The following HECTD4 variants were observed in gnomAD, a reference collection of about 807,000 sequenced individuals.
HECTD4 encodes probable E3 ubiquitin-protein ligase HECTD4.
HECTD4 carries 114 observed loss-of-function variants against 471.5 expected under a neutral mutation model. The ratio of observed to expected loss-of-function variants is 0.24; its 90% CI spans 0.21 to 0.28. HECTD4 has a LOEUF of 0.28. HECTD4 is among the 10% of genes least tolerant of loss of function. The pLI is 1.00. For synonymous variants in HECTD4, 2,012 were observed against 2,256.0 expected, an observed-to-expected ratio of 0.89 and a Z score of 3.07; for missense variants, 3,866 against 5,651.5, an observed-to-expected ratio of 0.68 and a Z score of 10.13.
At position 112,163,454 on chromosome 12, in the gene HECTD4, C is replaced by A; in HGVS notation, c.12897+88G>T. Reference sequence around the variant, plus strand: ...AGGACAGAGCTGAGACAGGCCACTGCCGATGCCTGCTGCTGGAGTTGAGGG... The same window carrying A: ...AGGACAGAGCTGAGACAGGCCACTGACGATGCCTGCTGCTGGAGTTGAGGG... On this transcript the variant is annotated intron_variant, in intron 74 of 75. Transcript: ENST00000682272. The surrounding 1 kb of genome is among the most constrained non-coding windows in gnomAD (Gnocchi z 8.2). 2 of 1,217,314 alleles carry A rather than the reference C, an allele frequency of 1.6e-6. No homozygotes were observed. Among genetic ancestry groups the A allele is most frequent in the Non-Finnish European group, 2.3e-6 (2 of 888,096 alleles). 75.4% of individuals were successfully genotyped at this position (1,217,314 alleles called of 1,614,324 possible). A position where few individuals can be genotyped will look rare whatever the true frequency, so the allele number is the denominator to read the frequency against.
rs190365982 is a variant in HECTD4, at chr12:112,193,309, A to C, written c.8956-118T>G. 1,766 of 1,382,516 alleles carry C rather than the reference A, an allele frequency of 1.3e-3. 5 individuals carry two copies. Among genetic ancestry groups the C allele is most frequent in the Non-Finnish European group, 1.4e-3 (1,370 of 1,007,252 alleles). The allele number at this position is 1,382,516 out of a possible 1,614,324, so 85.6% of individuals were successfully genotyped here. A position where few individuals can be genotyped will look rare whatever the true frequency, so the allele number is the denominator to read the frequency against. On this transcript the variant is annotated intron_variant, in intron 57 of 75. Coordinates refer to ENST00000682272, the MANE Select transcript of HECTD4 (RefSeq NM_001388303.1). The surrounding 1 kb of genome is among the most constrained non-coding windows in gnomAD (Gnocchi z 5.2). ...ACGACTAAATAGCCCTCTGGAAGGAAGCAAGCTACAGATGAGATAAAGCAG... is the reference window on the plus strand; with the variant it reads ...ACGACTAAATAGCCCTCTGGAAGGACGCAAGCTACAGATGAGATAAAGCAG...
intron 38 of HECTD4, 55 bp downstream of exon 38, chr12:112,232,949 G>A: frequency 7.1e-7 from 1 of 1,406,668 alleles, no homozygotes; most frequent in Non-Finnish European, 9.8e-7. Context: ...AAAATCTAAA[G>A]CATGACAAAT....
At chr12:112,202,869 T>C (rs977500017) in intron 54 of HECTD4, 1 of 152,188 alleles carries the variant, frequency 6.6e-6, no homozygotes, top group African/African-American at 2.4e-5. Context: ...ACTGATCCAG[T>C]TTAATACACT....
intron 1 of HECTD4, among the ~76,000 whole-genome samples, chr12:112,351,643 T>C (rs1297906787): frequency 2.0e-5 from 3 of 152,266 alleles, no homozygotes; most frequent in Middle Eastern, 3.4e-3. Context: ...GGGGTAAAAG[T>C]GAAAGGTGTT....
At chr12:112,216,954 A>C (rs1457982332) in intron 46 of HECTD4, 33 bp from the exon 47 acceptor site, 2 of 1,608,220 alleles carry the variant, frequency 1.2e-6, no homozygotes, top group African/African-American at 2.7e-5. Flanking sequence ...CAGCAATCAG[A>C]GGGCTAATCC....
chr12:112,239,364 A>G lies in HECTD4; in HGVS notation c.5106-128T>C. On this transcript the variant is annotated intron_variant, in intron 33 of 75. Transcript: ENST00000682272. This position sits in a 1 kb window ranked among gnomAD's most constrained non-coding sequence, Gnocchi z 4.9. ...TTTCCCTACAACTTAGGATACTGCC[A>G]TGTGCAATCAAACACAAAATGATTT... is the stretch of plus-strand genomic sequence containing the variant. The G allele has an allele frequency of 1.5e-6, 1 of 660,408 alleles. No homozygotes were observed. 40.9% of individuals were successfully genotyped at this position (660,408 alleles called of 1,614,324 possible).
At chr12:112,217,336 T>TACAC (rs71956504) in intron 45 of HECTD4, 141 bp from the exon 46 acceptor site, 21 of 409,676 alleles carry the variant, frequency 5.1e-5, no homozygotes, top group South Asian at 3.4e-4. Flanking sequence ...CACACACACA[T>TACAC]ACACACACAC....
intron 1 of HECTD4, among the ~76,000 whole-genome samples, chr12:112,380,105 A>G: frequency 6.6e-6 from 1 of 152,208 alleles, no homozygotes; most frequent in East Asian, 1.9e-4. Context: ...TAAATGACAT[A>G]TATGTATAAA....
chr12:112,305,577 T>A (rs2035255554), intron 7 of HECTD4, among the ~76,000 whole-genome samples: 1 of 152,172 alleles, frequency 6.6e-6, no homozygotes, highest in Non-Finnish European at 1.5e-5. Context: ...GGAGCCTGAA[T>A]ACACATCACA....
intron 1 of HECTD4, among the ~76,000 whole-genome samples, chr12:112,329,879 G>GGTA (rs1419780942): frequency 6.6e-6 from 1 of 152,188 alleles, no homozygotes; most frequent in African/African-American, 2.4e-5. Context: ...AGGCCTAAGA[G>GGTA]GTAGGATCGA....
rs1417206856 is a variant in HECTD4, at chr12:112,162,572, G to A, written c.13121-49C>T. On this transcript the variant is annotated intron_variant, in intron 75 of 75. Transcript: ENST00000682272. This position sits in a 1 kb window ranked among gnomAD's most constrained non-coding sequence, Gnocchi z 5.2. ...AGAGGGTTGGGCCCACATCTGTGAGGCTCCCAGGGAAGCTGGGCTGGCCTC... is the reference window on the plus strand; with the variant it reads ...AGAGGGTTGGGCCCACATCTGTGAGACTCCCAGGGAAGCTGGGCTGGCCTC... 1 of 1,611,402 alleles carries A rather than the reference G, an allele frequency of 6.2e-7. No individual in the cohort carries two copies. Among genetic ancestry groups the A allele is most frequent in the Admixed American group, 1.7e-5 (1 of 59,870 alleles).
intron 1 of HECTD4, among the ~76,000 whole-genome samples, chr12:112,349,388 C>CAAAAA (rs60480485): frequency 5.3e-4 from 29 of 54,508 alleles, no homozygotes; most frequent in East Asian, 1.6e-3. Context: ...ACTCTTGCTC[C>CAAAAA]AAAAAAAAAA....
At chr12:112,216,719 C>A in intron 47 of HECTD4, 54 bp downstream of exon 47, 1 of 1,592,248 alleles carries the variant, frequency 6.3e-7, no homozygotes, top group South Asian at 1.1e-5. Context: ...CACCTATACA[C>A]ACCTTGTGGG....
At chr12:112,293,403 G>A (rs2034939292) in intron 7 of HECTD4, among the ~76,000 whole-genome samples, 1 of 151,374 alleles carries the variant, frequency 6.6e-6, no homozygotes, top group South Asian at 2.1e-4. Flanking sequence ...GGGCATGGTG[G>A]TGGTGGCTTG....
At chr12:112,203,888 A>C in intron 53 of HECTD4, 116 bp from the exon 54 acceptor site, 1 of 578,960 alleles carries the variant, frequency 1.7e-6, no homozygotes, top group Non-Finnish European at 2.8e-6. Flanking sequence ...ATAAAATAAA[A>C]TAAAATAGCT....
At chr12:112,205,383 G>A (rs186038432) in intron 52 of HECTD4, among the ~76,000 whole-genome samples, 19 of 152,238 alleles carry the variant, frequency 1.2e-4, no homozygotes, top group Admixed American at 7.8e-4. Flanking sequence ...GCAGTGAGCT[G>A]AGATTGCACC....
intron 8 of HECTD4, among the ~76,000 whole-genome samples, chr12:112,281,221 C>CCCAGGA (rs1420576819): frequency 6.6e-6 from 1 of 151,832 alleles, no homozygotes; most frequent in Non-Finnish European, 1.5e-5. Flanking sequence ...ATTGCTTAAG[C>CCCAGGA]CCAGGAGTTT....
intron 1 of HECTD4, among the ~76,000 whole-genome samples, chr12:112,352,757 C>T (rs148440827): frequency 6.6e-6 from 1 of 152,114 alleles, no homozygotes; most frequent in Admixed American, 6.6e-5. Context: ...CATGTATATG[C>T]CAAAATGCCC....
intron 41 of HECTD4, 65 bp downstream of exon 41, chr12:112,229,633 A>G (rs2033324858): frequency 7.0e-7 from 1 of 1,433,676 alleles, no homozygotes; most frequent in Non-Finnish European, 9.6e-7. Flanking sequence ...ACAGATGATC[A>G]ATTAATTAAT....
Sources: gnomAD v4.1 joint callset for allele counts (sites outside exome capture counted in the v4.1 genomes callset) on GRCh38, gnomAD v4.1.1 for gene constraint, Gnocchi (gnomAD v3.1) non-coding constraint, MANE v1.5 for transcripts, NCBI Gene and HGNC (gene_info 2026-07-23, HGNC 2026-07-21) for gene names.